ANK3: variants seen among roughly 807,000 people sequenced by gnomAD.
ANK3 encodes ankyrin 3, also known as ankyrin-3.
A neutral mutation model predicts 370.9 loss-of-function variants in ANK3; 57 were observed. The ratio of observed to expected loss-of-function variants is 0.15; its 90% CI spans 0.12 to 0.19. ANK3 has a LOEUF of 0.19. Among genes scored for constraint, ANK3 ranks in the 10% least tolerant of loss-of-function variants. The pLI is 1.00. For synonymous variants in ANK3, 1,929 were observed against 1,946.3 expected (o/e 0.99, Z 0.23); for missense variants, 4,439 against 5,302.1 (o/e 0.84, Z 5.06).
chr10:60,073,537 G>A lies in ANK3; in HGVS notation c.7344C>T (p.Tyr2448=), dbSNP rs749046565. The A allele has an allele frequency of 1.9e-6, 3 of 1,614,004 alleles. No homozygotes were observed. The highest frequency in any genetic ancestry group is 1.7e-4 in the Middle Eastern group (1 of 6,060). The change falls in exon 37 of 44, where the codon TAC becomes TAT. Residue 2448 remains tyrosine, a synonymous_variant. Coordinates refer to ENST00000280772, the MANE Select transcript of ANK3 (RefSeq NM_020987.5). ...TTAGTTCTGACAACTCATCGTCATGGTATTCTATTGAGTGTTGACTCAAAA... is the reference window on the plus strand; with the variant it reads ...TTAGTTCTGACAACTCATCGTCATGATATTCTATTGAGTGTTGACTCAAAA... ...LKLLSQHSIE[Y]HDDELSELRG... is the part of the protein sequence containing the mutation.
At chr10:60,470,440 G>T (rs1214912785) in intron 2 of ANK3, among the ~76,000 whole-genome samples, 1 of 142,838 alleles carries the variant, frequency 7.0e-6, no homozygotes, top group Non-Finnish European at 1.5e-5. Context: ...TATCAATGCG[G>T]TATTATGTTT....
intron 2 of ANK3, among the ~76,000 whole-genome samples, chr10:60,476,568 T>G (rs935261785): frequency 1.3e-5 from 2 of 152,218 alleles, no homozygotes; most frequent in African/African-American, 4.8e-5. Flanking sequence ...AAAAATTATA[T>G]GTAGGCACTA....
At position 60,431,414 on chromosome 10, in the gene ANK3, C is replaced by T. The variant is rs117444740; in HGVS notation, c.97-151775G>A. Reference sequence around the variant, plus strand: ...AGGTGGTAATGTTAGCCATGGAGAGCGGCTGTAAATACAGATGAAGTTTTG... The same window carrying T: ...AGGTGGTAATGTTAGCCATGGAGAGTGGCTGTAAATACAGATGAAGTTTTG... On this transcript the variant is annotated intron_variant, in intron 2 of 43. Coordinates refer to the ANK3 transcript ENST00000373827. Among the ~76,000 whole-genome samples, 474 of 152,236 alleles carry T rather than the reference C, an allele frequency of 3.1e-3. 2 individuals are homozygous for T. The highest frequency in any genetic ancestry group is 0.018 in the East Asian group (95 of 5,188).
intron 1 of ANK3, among the ~76,000 whole-genome samples, chr10:60,355,919 A>G (rs1323984780): frequency 2.0e-5 from 3 of 152,182 alleles, no homozygotes; most frequent in Non-Finnish European, 4.4e-5. Flanking sequence ...GCCAAAAAGG[A>G]CAGGGCAGAA....
rs145081550 is a variant in ANK3 at position 60,526,881 on chromosome 10, T to C, written c.96+88305A>G. ...AGTTAGTGAGTCTCCAAACCCCAAATCTCACTCAAGTGAACAGCACTAAAA... is the reference window on the plus strand; with the variant it reads ...AGTTAGTGAGTCTCCAAACCCCAAACCTCACTCAAGTGAACAGCACTAAAA... On this transcript the variant is annotated intron_variant, in intron 2 of 43. Transcript: ENST00000373827. 2.3e-3 allele frequency among the ~76,000 whole-genome samples: 355 copies of C among 152,208 alleles called. 1 individual carries two copies. The highest frequency in any genetic ancestry group is 8.1e-3 in the African/African-American group (335 of 41,550).
chr10:60,466,167 C>G (rs2065008064), intron 2 of ANK3, among the ~76,000 whole-genome samples: 1 of 152,066 alleles, frequency 6.6e-6, no homozygotes, highest in Admixed American at 6.6e-5. Flanking sequence ...TATCACTGAA[C>G]TGGTTTAAGT....
intron 8 of ANK3, among the ~76,000 whole-genome samples, chr10:60,228,044 T>A (rs189917608): frequency 1.3e-5 from 2 of 152,318 alleles, no homozygotes; most frequent in East Asian, 3.9e-4. Flanking sequence ...GAAGGCTTAG[T>A]CCAATGCATG....
chr10:60,616,957 A>T (rs1004130522), intron 1 of ANK3, among the ~76,000 whole-genome samples: 1 of 152,098 alleles, frequency 6.6e-6, no homozygotes, highest in African/African-American at 2.4e-5. Flanking sequence ...CAATTTTTAC[A>T]ATCTATTGCA....
At chr10:60,611,956 T>G (rs2078207874) in intron 2 of ANK3, among the ~76,000 whole-genome samples, 1 of 152,032 alleles carries the variant, frequency 6.6e-6, no homozygotes, top group South Asian at 2.1e-4. Context: ...CCTTTTATTT[T>G]TATTGACACT....
At chr10:60,236,247 A>AGTCTTTTAAGTTTTTCTTAATCTC (rs1565887860) in intron 7 of ANK3, among the ~76,000 whole-genome samples, 2 of 152,050 alleles carry the variant, frequency 1.3e-5, no homozygotes, top group Admixed American at 6.5e-5. Flanking sequence ...ATTATCTCTA[A>AGTCTTTTAAGTTTTTCTTAATCTC]CAGATGAGGA....
intron 2 of ANK3, among the ~76,000 whole-genome samples, chr10:60,502,086 GGAAAATA>G (rs2075815813): frequency 6.6e-6 from 1 of 152,036 alleles, no homozygotes. Context: ...GCAAAATAAT[GGAAAATA>G]CTTTGACCAG....
intron 25 of ANK3, among the ~76,000 whole-genome samples, chr10:60,117,125 C>T (rs1194589616): frequency 6.6e-6 from 1 of 152,182 alleles, no homozygotes. Context: ...ATAAACTAGA[C>T]AGATATTTTC....
chr10:60,417,597 C>G (rs967496750), intron 2 of ANK3, among the ~76,000 whole-genome samples: 1 of 152,142 alleles, frequency 6.6e-6, no homozygotes, highest in African/African-American at 2.4e-5. Flanking sequence ...TGATGTGCCA[C>G]CTATGAAGTT....
At chr10:60,547,121 G>T in intron 2 of ANK3, among the ~76,000 whole-genome samples, 1 of 126,600 alleles carries the variant, frequency 7.9e-6, no homozygotes, top group African/African-American at 2.9e-5. Flanking sequence ...GAAGGAGTCT[G>T]GCTCTGTCTC....
In ANK3 at chr10:60,224,924, CT is replaced by C. The variant is rs138030293; in HGVS notation, c.897+9763del. 1.6e-4 allele frequency among the ~76,000 whole-genome samples: 23 copies of C among 139,886 alleles called. No individual in the cohort carries two copies. The South Asian group carries it at 3.9e-3, about 24-fold the overall frequency. 91.8% of individuals were successfully genotyped at this position (139,886 alleles called of 152,430 possible). Reference sequence around the variant, plus strand: ...TTTTCTTTTTCTTTCTTTTTTTTTTCTTTTTTTTTGAGACAAAGTCTTGTTG... The same window carrying C: ...TTTTCTTTTTCTTTCTTTTTTTTTTCTTTTTTTTGAGACAAAGTCTTGTTG... On this transcript the variant is annotated intron_variant, in intron 8 of 43. Transcript: ENST00000280772.
At chr10:60,168,138 G>C (rs1433854707) in intron 21 of ANK3, among the ~76,000 whole-genome samples, 2 of 152,108 alleles carry the variant, frequency 1.3e-5, no homozygotes, top group African/African-American at 2.4e-5. Flanking sequence ...CGATTCTCTT[G>C]CCTCAGCCTC....
intron 1 of ANK3, among the ~76,000 whole-genome samples, chr10:60,295,344 A>G (rs1483530723): frequency 6.6e-6 from 1 of 152,218 alleles, no homozygotes; most frequent in East Asian, 1.9e-4. Context: ...TAGCAGTAAA[A>G]TTTAACTCAG....
rs768050877 is a variant in ANK3, at chr10:60,070,185, G to T, written c.10696C>A (p.Pro3566Thr). The change falls in exon 37 of 44, where the codon CCA (proline) becomes ACA (threonine). Residue 3566 changes from proline to threonine, a missense_variant. This residue lies in a region of ANK3 where 1,601 missense variants were observed against 1,731.7 expected (regional missense o/e 0.92). Coordinates refer to ENST00000280772, the MANE Select transcript of ANK3 (RefSeq NM_020987.5). The surrounding 1 kb of genome is among the most constrained non-coding windows in gnomAD (Gnocchi z 5.7). ...DSKSREDETKPFGLAVEDRSP... is the reference protein window; with the variant it reads ...DSKSREDETKTFGLAVEDRSP... ...CGGTCTTCTACCGCCAGCCCAAATG[G>T]CTTAGTTTCATCTTCCCGTGATTTA... The T allele has an allele frequency of 1.1e-5, 17 of 1,614,008 alleles. No individual in the cohort carries two copies. Among genetic ancestry groups the T allele is most frequent in the Non-Finnish European group, 1.4e-5 (17 of 1,180,008 alleles).
upstream of ANK3, among the ~76,000 whole-genome samples, chr10:60,390,729 A>AAAACACACACACAC (rs1491146788): frequency 3.3e-4 from 35 of 107,072 alleles, no homozygotes; most frequent in African/African-American, 1.2e-3. Context: ...TAAAAAAAAG[A>AAAACACACACACAC]ACACACACAC....
Sources: gnomAD v4.1 joint callset for allele counts (sites outside exome capture counted in the v4.1 genomes callset) on GRCh38, gnomAD v4.1.1 for gene constraint, gnomAD v4.1.1 regional missense constraint, Gnocchi (gnomAD v3.1) non-coding constraint, MANE v1.5 for transcripts, NCBI Gene and HGNC (gene_info 2026-07-23, HGNC 2026-07-21) for gene names.